Variants in FRY observed in about 807,000 individuals in gnomAD.
FRY encodes the protein FRY microtubule binding protein, also known as protein furry homolog.
Under a neutral mutation model 348.4 loss-of-function variants are expected in FRY, and 128 were observed. That is an observed-to-expected ratio of 0.37 (90% CI 0.32 to 0.43). The LOEUF is 0.43. Ranked by LOEUF, FRY falls within the 20% of genes least tolerant of loss-of-function variation. The probability of loss-of-function intolerance (pLI) is 1.00; values close to 1 mark genes in which losing one functional copy is unlikely to be tolerated. For missense variants in FRY, 2,736 were observed against 3,695.2 expected (o/e 0.74, Z 6.73); for synonymous variants, 1,370 against 1,374.7 (o/e 1.00, Z 0.08).
intron 51 of FRY, among the ~76,000 whole-genome samples, chr13:32,260,710 C>G (rs953546702): frequency 6.7e-6 from 1 of 149,406 alleles, no homozygotes; most frequent in African/African-American, 2.5e-5. Flanking sequence ...CCTGTCTCTA[C>G]TAAAAATACA....
intron 1 of FRY, among the ~76,000 whole-genome samples, chr13:32,038,252 A>T (rs143705772): frequency 1.3e-5 from 2 of 152,196 alleles, no homozygotes; most frequent in African/African-American, 2.4e-5. Context: ...CGTCCATGGT[A>T]TTTACCTTCA....
At position 32,209,575 on chromosome 13, in the gene FRY, T is replaced by G. The variant is rs1325912729; in HGVS notation, c.4276-10T>G. The stretch of plus-strand genomic sequence containing the variant: ...ACACATCTCTTGGGCCGGTTTTTAT[T>G]TTGTTATAGTATGGAGATGAAGTTC... On this transcript the variant is annotated splice_polypyrimidine_tract_variant and intron_variant, in intron 32 of 60. Transcript: ENST00000542859. 6.2e-7 allele frequency: 1 copy of G among 1,613,970 alleles called. No individual in the cohort carries two copies. The highest frequency in any genetic ancestry group is 1.7e-5 in the Admixed American group (1 of 60,018).
intron 53 of FRY, among the ~76,000 whole-genome samples, chr13:32,263,884 C>T (rs1469373415): frequency 2.6e-5 from 4 of 152,032 alleles, no homozygotes; most frequent in Admixed American, 6.6e-5. Flanking sequence ...TGGCGGTGCC[C>T]GTAATCCCAG....
intron 46 of FRY, among the ~76,000 whole-genome samples, chr13:32,242,766 C>A (rs1474957749): frequency 6.6e-6 from 1 of 152,256 alleles, no homozygotes; most frequent in South Asian, 2.1e-4. Context: ...TACTCCTGAC[C>A]TCAGGTGATC....
At chr13:32,096,525 G>T (rs1876729485) in intron 2 of FRY, among the ~76,000 whole-genome samples, 2 of 152,236 alleles carry the variant, frequency 1.3e-5, no homozygotes, top group South Asian at 4.2e-4. Flanking sequence ...AGGTGCAGTG[G>T]CACGCCTGTA....
At chr13:32,097,760 T>C (rs1267170391) in intron 2 of FRY, among the ~76,000 whole-genome samples, 1 of 151,942 alleles carries the variant, frequency 6.6e-6, no homozygotes, top group African/African-American at 2.4e-5. Flanking sequence ...CTATCTTATA[T>C]GTTTGGAGTG....
At chr13:32,061,788 A>G (rs1202440414) in intron 1 of FRY, among the ~76,000 whole-genome samples, 2 of 152,194 alleles carry the variant, frequency 1.3e-5, no homozygotes, top group Admixed American at 6.5e-5. Context: ...TTTATCAGAC[A>G]ATAACACAGT....
At chr13:32,265,686 G>C (rs1459110673) in intron 54 of FRY, 70 bp downstream of exon 54, 7 of 1,443,340 alleles carry the variant, frequency 4.8e-6, no homozygotes, top group Non-Finnish European at 6.7e-6. Context: ...TCACACTCAA[G>C]TTAAGTGTCA....
chr13:32,257,007 C>T (rs1887373862), intron 51 of FRY, among the ~76,000 whole-genome samples: 1 of 152,202 alleles, frequency 6.6e-6, no homozygotes, highest in African/African-American at 2.4e-5. Flanking sequence ...AAATTATCTT[C>T]AGGCTGTGTA....
chr13:32,206,548 G>A (rs1384836597), intron 31 of FRY, among the ~76,000 whole-genome samples: 1 of 152,162 alleles, frequency 6.6e-6, no homozygotes, highest in African/African-American at 2.4e-5. Flanking sequence ...GTCAGAGGAG[G>A]AGTTTTAAGG....
Position 32,173,413 on chromosome 13 carries a change from C to T in FRY, c.2198C>T (p.Pro733Leu), listed in dbSNP as rs376136416. 15 of 1,612,342 alleles carry T rather than the reference C, an allele frequency of 9.3e-6. No homozygotes were observed. In the African/African-American group the frequency reaches 1.6e-4, roughly 17 times the overall value. Residue 733 changes from proline to leucine, a missense_variant, in exon 19 of 61, where the codon CCC (proline) becomes CTC (leucine). Around this residue, in one of 9 missense-constraint regions of FRY, gnomAD observed 449 missense variants for 576.9 expected, o/e 0.78. Coordinates refer to ENST00000542859, the MANE Select transcript of FRY (RefSeq NM_023037.3). ...CACAGAATTCAGTCGGAACGAGGTC[C>T]CCACTGCAGTGTACTCCACGCTGTA... ...SSHRIQSERGPHCSVLHAVEG... is the reference protein window; with the variant it reads ...SSHRIQSERGLHCSVLHAVEG...
At chr13:32,294,214 T>C (rs1889516061) in intron 59 of FRY, among the ~76,000 whole-genome samples, 154 bp from the exon 60 acceptor site, 1 of 152,184 alleles carries the variant, frequency 6.6e-6, no homozygotes, top group South Asian at 2.1e-4. Context: ...CCCCTACACA[T>C]ACCATGGAGT....
intron 18 of FRY, among the ~76,000 whole-genome samples, chr13:32,172,937 T>A (rs1365188391): frequency 6.6e-6 from 1 of 152,226 alleles, no homozygotes; most frequent in African/African-American, 2.4e-5. Flanking sequence ...GATTAGAATC[T>A]AACAAACAAG....
In FRY at chr13:32,296,306, T is replaced by A; in HGVS notation, c.*846T>A. 1 of 152,658 alleles carries A rather than the reference T, an allele frequency of 6.6e-6. No homozygotes were observed. 9.5% of individuals were successfully genotyped at this position (152,658 alleles called of 1,614,324 possible). On this transcript the variant is annotated 3_prime_UTR_variant, in exon 61 of 61. Transcript: ENST00000542859. Reference sequence around the variant, plus strand: ...TTCACAAGATAAATTCCAAGTCTTTTCACCTGTCAGGCATGCATATTTTAA... The same window carrying A: ...TTCACAAGATAAATTCCAAGTCTTTACACCTGTCAGGCATGCATATTTTAA...
At chr13:32,109,254 C>T (rs756219965) in intron 3 of FRY, among the ~76,000 whole-genome samples, 8 of 152,140 alleles carry the variant, frequency 5.3e-5, no homozygotes, top group Non-Finnish European at 1.0e-4. Flanking sequence ...CAATGAGTGC[C>T]TGACACATAC....
At position 32,295,419 on chromosome 13, in the gene FRY, A is replaced by C; in HGVS notation, c.9001A>C (p.Thr3001Pro). 6.2e-7 allele frequency: 1 copy of C among 1,612,280 alleles called. No homozygotes were observed. Among genetic ancestry groups the C allele is most frequent in the Non-Finnish European group, 8.5e-7 (1 of 1,179,940 alleles). The change falls in exon 61 of 61, where the codon ACT (threonine) becomes CCT (proline). Residue 3001 changes from threonine to proline, a missense_variant. Physicochemically the swap from Thr to Pro is conservative, Grantham distance 38. This residue lies in a region of FRY where 157 missense variants were observed against 215.2 expected (regional missense o/e 0.73). Coordinates refer to ENST00000542859, the MANE Select transcript of FRY (RefSeq NM_023037.3). ...RRAQSYRVLT[T>P]FLPDSSVSGT... is the part of the protein sequence containing the mutation. ...GGCCCAGAGTTACCGAGTCCTCACT[A>C]CTTTTCTTCCAGACTCCAGTGTTTC... is the stretch of plus-strand genomic sequence containing the variant.
At chr13:32,191,068 T>C (rs1883306320) in intron 28 of FRY, among the ~76,000 whole-genome samples, 1 of 152,160 alleles carries the variant, frequency 6.6e-6, no homozygotes, top group Admixed American at 6.5e-5. Context: ...GAAAAATGGT[T>C]TTTTTCCAAT....
chr13:32,076,552 AGT>A (rs952068924), intron 1 of FRY, among the ~76,000 whole-genome samples: 11 of 152,308 alleles, frequency 7.2e-5, no homozygotes, highest in African/African-American at 2.6e-4. Flanking sequence ...AGTGCCTTTT[AGT>A]GAACTGCTTG....
intron 28 of FRY, among the ~76,000 whole-genome samples, chr13:32,192,848 A>G (rs1883433001): frequency 6.8e-6 from 1 of 146,644 alleles, no homozygotes; most frequent in Admixed American, 7.0e-5. Context: ...GGTTCAAGTG[A>G]TTCTCGTGCC....
Sources: gnomAD v4.1 joint callset for allele counts (sites outside exome capture counted in the v4.1 genomes callset) on GRCh38, gnomAD v4.1.1 for gene constraint, gnomAD v4.1.1 regional missense constraint, MANE v1.5 for transcripts, NCBI Gene and HGNC (gene_info 2026-07-23, HGNC 2026-07-21) for gene names.